The following RBM45 variants were observed in gnomAD, a reference collection of about 807,000 sequenced individuals.
RBM45 encodes RNA binding motif protein 45, also known as RNA-binding protein 45.
In RBM45, 39 loss-of-function variants were observed where a neutral mutation model predicts 58.5. The observed-to-expected ratio is 0.67, with a 90% confidence interval of 0.52 to 0.87. RBM45 has a LOEUF of 0.87. Among genes scored for constraint, RBM45 ranks in the 40% least tolerant of loss-of-function variants. The pLI, the probability that RBM45 is intolerant of heterozygous loss-of-function variation, is 0.00. For synonymous variants in RBM45, 193 were observed against 203.0 expected (o/e 0.95, Z 0.42); for missense variants, 481 against 581.6 (o/e 0.83, Z 1.78).
At chr2:178,120,699 A>G (rs964005279) in intron 4 of RBM45, among the ~76,000 whole-genome samples, 3 of 152,172 alleles carry the variant, frequency 2.0e-5, no homozygotes, top group Non-Finnish European at 4.4e-5. Flanking sequence ...CTGCCTCTAT[A>G]TAGCTGACCA....
intron 8 of RBM45, among the ~76,000 whole-genome samples, chr2:178,125,369 G>A (rs1472432131): frequency 6.6e-6 from 1 of 152,208 alleles, no homozygotes; most frequent in Non-Finnish European, 1.5e-5. Flanking sequence ...GATAAGGAAT[G>A]TGTAAGATAC....
exon 4 of RBM45, chr2:178,138,120 A>G (rs189605543): frequency 7.4e-4 from 113 of 152,316 alleles, no homozygotes; most frequent in African/African-American, 2.4e-3. Flanking sequence ...ATACTGAACT[A>G]CTTTTCAGAA....
downstream of RBM45, among the ~76,000 whole-genome samples, chr2:178,130,400 C>G (rs781060104): frequency 5.3e-5 from 8 of 152,056 alleles, no homozygotes; most frequent in Non-Finnish European, 1.0e-4. Context: ...TGGTGTGTGC[C>G]TGCAGTCCCA....
chr2:178,117,994 C>G (rs908319565), intron 2 of RBM45, 61 bp from the exon 3 acceptor site: 1 of 1,387,848 alleles, frequency 7.2e-7, no homozygotes, highest in Non-Finnish European at 9.5e-7. Flanking sequence ...ATTTTTAGTT[C>G]TGAAATACTC....
At chr2:178,133,241 T>C (rs1287602851), downstream of RBM45, among the ~76,000 whole-genome samples, 1 of 152,210 alleles carries the variant, frequency 6.6e-6, no homozygotes, top group Non-Finnish European at 1.5e-5. Context: ...TAGGCCATCT[T>C]TTTTTACTTT....
In RBM45 at chr2:178,112,577, G is replaced by T. The variant is rs774331285; in HGVS notation, c.31G>T (p.Gly11Trp). 1 of 1,589,176 alleles carries T rather than the reference G, an allele frequency of 6.3e-7. No homozygotes were observed. Among genetic ancestry groups the T allele is most frequent in the Non-Finnish European group, 8.6e-7 (1 of 1,168,314 alleles). MDEAGSSASG[G>W]GFRPGVDSLD... is the part of the protein sequence containing the mutation. ...CGAAGCTGGCAGCTCTGCGAGCGGC[G>T]GGGGCTTCCGCCCGGGCGTGGACAG... The change falls in exon 1 of 10, where the codon GGG (glycine) becomes TGG (tryptophan). Residue 11 changes from glycine to tryptophan, a missense_variant. By Grantham distance (184) the Gly-to-Trp change is radical. Coordinates refer to ENST00000286070, the MANE Select transcript of RBM45 (RefSeq NM_152945.4).
intron 3 of RBM45, among the ~76,000 whole-genome samples, chr2:178,135,806 C>G (rs1301440525): frequency 6.6e-6 from 1 of 152,164 alleles, no homozygotes; most frequent in African/African-American, 2.4e-5. Context: ...AAATACAAGC[C>G]TCTGCAAACC....
chr2:178,121,035 C>A (rs200032467), intron 4 of RBM45, 145 bp from the exon 5 acceptor site: 2 of 439,952 alleles, frequency 4.5e-6, no homozygotes, highest in African/African-American at 4.1e-5. Flanking sequence ...TTAGTCCCAT[C>A]GGTAGTTCTG....
In RBM45 at chr2:178,120,413, A is replaced by G; in HGVS notation, c.673+4A>G. On this transcript the variant is annotated splice_donor_region_variant and intron_variant, in intron 4 of 9. Coordinates refer to ENST00000286070, the MANE Select transcript of RBM45 (RefSeq NM_152945.4). ...AGAGTAAATATGTTTCCATTTGGTA[A>G]GTAGGCAACCTTTACTTTTAATAGT... is the stretch of plus-strand genomic sequence containing the variant. 1 of 1,607,678 alleles carries G rather than the reference A, an allele frequency of 6.2e-7. No homozygotes were observed. The highest frequency in any genetic ancestry group is 8.5e-7 in the Non-Finnish European group (1 of 1,178,184).
intron 3 of RBM45, among the ~76,000 whole-genome samples, chr2:178,119,097 A>G (rs950234982): frequency 6.6e-6 from 1 of 152,228 alleles, no homozygotes; most frequent in Non-Finnish European, 1.5e-5. Context: ...AGGCTCTTTG[A>G]AAGCAAGAAG....
chr2:178,123,755 T>A, intron 6 of RBM45, 73 bp from the exon 7 acceptor site: 1 of 1,596,212 alleles, frequency 6.3e-7, no homozygotes, highest in Non-Finnish European at 8.5e-7. Context: ...GGTGAGAAAG[T>A]CACACAAAAC....
Position 178,123,893 on chromosome 2 carries a change from C to T in RBM45, c.1049C>T (p.Pro350Leu). ...CTTGCATCAATGGTGTGGAATAACC[C>T]AAGTCAGCAACAATTTATGGTAAGT... ...AQLASMVWNN[P>L]SQQQFMQFGG... The change falls in exon 7 of 10, where the codon CCA (proline) becomes CTA (leucine). Residue 350 changes from proline (P) to leucine (L), a missense_variant. Physicochemically the swap from Pro to Leu is moderately conservative, Grantham distance 98. Transcript: ENST00000286070. 1 of 1,613,832 alleles carries T rather than the reference C, an allele frequency of 6.2e-7. No individual in the cohort carries two copies. The highest frequency in any genetic ancestry group is 1.3e-5 in the African/African-American group (1 of 74,990).
chr2:178,130,976 G>A (rs1429997868), downstream of RBM45, among the ~76,000 whole-genome samples: 3 of 152,338 alleles, frequency 2.0e-5, no homozygotes, highest in South Asian at 6.2e-4. Flanking sequence ...GGGTGCAGTG[G>A]CGCGACTGTA....
downstream of RBM45, among the ~76,000 whole-genome samples, chr2:178,131,797 T>C (rs974851968): frequency 6.6e-6 from 1 of 152,212 alleles, no homozygotes; most frequent in African/African-American, 2.4e-5. Flanking sequence ...TTATTTAGCC[T>C]TGGTCCTGTC....
chr2:178,124,345 C>G (rs1411319359), intron 8 of RBM45, 55 bp downstream of exon 8: 1 of 1,164,676 alleles, frequency 8.6e-7, no homozygotes, highest in East Asian at 2.6e-5. Flanking sequence ...TTTAATTATT[C>G]TTATAATCTA....
At chr2:178,114,617 C>T (rs2087748629) in intron 1 of RBM45, among the ~76,000 whole-genome samples, 1 of 152,126 alleles carries the variant, frequency 6.6e-6, no homozygotes, top group Non-Finnish European at 1.5e-5. Context: ...GAGACAGAAT[C>T]TCACTCTGTC....
chr2:178,131,344 A>G (rs1440576849), downstream of RBM45, among the ~76,000 whole-genome samples: 1 of 152,244 alleles, frequency 6.6e-6, no homozygotes, highest in African/African-American at 2.4e-5. Flanking sequence ...AGTTATAGAA[A>G]GGAGCTCTCT....
In RBM45 at chr2:178,126,160, G is replaced by A; in HGVS notation, c.1409G>A (p.Arg470Gln). The A allele has an allele frequency of 2.5e-6, 4 of 1,613,302 alleles. No individual in the cohort carries two copies. Among genetic ancestry groups the A allele is most frequent in the Non-Finnish European group, 3.4e-6 (4 of 1,179,518 alleles). ...TCGCCAAGAGAAGAATCTAACAAACGGCAAAGAACTTACTGATTCTTGAGG... is the reference window on the plus strand; with the variant it reads ...TCGCCAAGAGAAGAATCTAACAAACAGCAAAGAACTTACTGATTCTTGAGG... ...ADSPREESNK[R>Q]QRTY The change falls in exon 9 of 10, where the codon CGG (arginine) becomes CAG (glutamine). Residue 470 changes from arginine to glutamine, a missense_variant. Transcript: ENST00000286070.
chr2:178,125,481 T>C (rs2087916730), intron 8 of RBM45, among the ~76,000 whole-genome samples: 1 of 152,130 alleles, frequency 6.6e-6, no homozygotes, highest in South Asian at 2.1e-4. Context: ...AGGTGAAAGC[T>C]GGGGGTATGC....
Sources: allele counts gnomAD v4.1 joint callset (sites outside exome capture counted in the v4.1 genomes callset), GRCh38; gene constraint gnomAD v4.1.1; transcripts MANE v1.5; gene names NCBI Gene and HGNC (gene_info 2026-07-23, HGNC 2026-07-21).